PTCH1: variants seen among roughly 807,000 people sequenced by gnomAD.
The protein encoded by PTCH1 is protein patched homolog 1.
Under a neutral mutation model 144.6 loss-of-function variants are expected in PTCH1, and 14 were observed. That is an observed-to-expected ratio of 0.10 (90% CI 0.06 to 0.15). The LOEUF is 0.15. PTCH1 is among the 10% of genes least tolerant of loss of function. The probability of loss-of-function intolerance (pLI) is 1.00; values close to 1 mark genes in which losing one functional copy is unlikely to be tolerated. For synonymous variants in PTCH1, 833 were observed against 793.6 expected, an observed-to-expected ratio of 1.05 and a Z score of -0.83; for missense variants, 1,623 against 1,948.3, an observed-to-expected ratio of 0.83 and a Z score of 3.14.
chr9:95,454,303 C>A (rs1192283055), intron 19 of PTCH1, among the ~76,000 whole-genome samples: 1 of 152,134 alleles, frequency 6.6e-6, no homozygotes, highest in African/African-American at 2.4e-5. Flanking sequence ...GAACGTGTGA[C>A]CCCTGCAGGG....
chr9:95,501,539 TAAA>T (rs35918689), intron 2 of PTCH1, among the ~76,000 whole-genome samples: 4,251 of 145,444 alleles, frequency 0.029, 180 homozygotes, highest in African/African-American at 0.098. Flanking sequence ...CTATTTTTCT[TAAA>T]AAAAAAAAAA....
chr9:95,490,565 G>A (rs28557305), intron 2 of PTCH1, among the ~76,000 whole-genome samples: 64,405 of 150,040 alleles, frequency 0.43, 15,378 homozygotes, highest in African/African-American at 0.65. Context: ...ACAAAAGAAA[G>A]ATAGATATGA....
rs768887056 is a variant in PTCH1 at position 95,468,736 on chromosome 9, G to A, written c.2250+15C>T. 1.6e-5 allele frequency: 26 copies of A among 1,613,024 alleles called. No individual in the cohort carries two copies. Among genetic ancestry groups the A allele is most frequent in the Non-Finnish European group, 2.0e-5 (23 of 1,179,176 alleles). On this transcript the variant is annotated intron_variant, in intron 14 of 23. Coordinates refer to ENST00000331920, the MANE Select transcript of PTCH1 (RefSeq NM_000264.5). Reference sequence around the variant, plus strand: ...TTTTTGAAGACAGGAAGAGCCTTAAGTTGTGGCAGATTACCTTGGCTTTTG... The same window carrying A: ...TTTTTGAAGACAGGAAGAGCCTTAAATTGTGGCAGATTACCTTGGCTTTTG...
intron 1 of PTCH1, 185 bp from the exon 2 acceptor site, chr9:95,506,784 A>G: frequency 9.2e-7 from 1 of 1,089,098 alleles, no homozygotes; most frequent in Non-Finnish European, 1.2e-6. Context: ...GCTCGGTCAT[A>G]AAGCCGGGCC....
intron 2 of PTCH1, among the ~76,000 whole-genome samples, chr9:95,492,469 A>G (rs1443483210): frequency 2.6e-5 from 4 of 152,360 alleles, no homozygotes; most frequent in Non-Finnish European, 5.9e-5. Flanking sequence ...GCTTTCAGAC[A>G]GTTCAATATA....
chr9:95,473,266 A>G (rs1308032844), intron 12 of PTCH1, among the ~76,000 whole-genome samples: 2 of 152,202 alleles, frequency 1.3e-5, no homozygotes, highest in Non-Finnish European at 2.9e-5. Context: ...AAATTGGAGG[A>G]GTTTTATATG....
intron 3 of PTCH1, chr9:95,484,107 T>C (rs1841785630): frequency 6.6e-6 from 1 of 152,250 alleles, no homozygotes; most frequent in African/African-American, 2.4e-5. Flanking sequence ...TGTAATTTAA[T>C]GGCACAGACC....
chr9:95,481,061 A>G (rs1237304529), intron 5 of PTCH1, among the ~76,000 whole-genome samples: 1 of 152,206 alleles, frequency 6.6e-6, no homozygotes, highest in South Asian at 2.1e-4. Flanking sequence ...CTGGCAATGG[A>G]ATGGGCAAGC....
At chr9:95,505,285 TG>T (rs2118853689) in intron 2 of PTCH1, among the ~76,000 whole-genome samples, 1 of 152,270 alleles carries the variant, frequency 6.6e-6, no homozygotes, top group Admixed American at 6.5e-5. Context: ...TCCGGAGGAA[TG>T]CTCCAGGTAT....
chr9:95,457,763 G>T (rs1190271019), intron 18 of PTCH1, among the ~76,000 whole-genome samples: 1 of 152,130 alleles, frequency 6.6e-6, no homozygotes. Flanking sequence ...GTGATGGAAG[G>T]TGTGCTTTAA....
At chr9:95,502,741 G>A (rs891324899) in intron 2 of PTCH1, among the ~76,000 whole-genome samples, 73 of 151,748 alleles carry the variant, frequency 4.8e-4, no homozygotes, top group Non-Finnish European at 1.3e-4. Context: ...GCACACACAC[G>A]GACTCTTTCT....
upstream of PTCH1, among the ~76,000 whole-genome samples, chr9:95,509,655 A>G (rs1038126650): frequency 6.6e-6 from 1 of 151,994 alleles, no homozygotes; most frequent in Non-Finnish European, 1.5e-5. Context: ...ACACGGGGGG[A>G]AATGTAATAT....
At chr9:95,515,193 C>A (rs1208439512) in intron 1 of PTCH1, among the ~76,000 whole-genome samples, 3 of 152,190 alleles carry the variant, frequency 2.0e-5, no homozygotes, top group Non-Finnish European at 4.4e-5. Context: ...CGCCAATAAA[C>A]ACAGAAATAA....
rs189667531 is a variant in PTCH1, at chr9:95,446,392, C to T, written c.*2-1G>A. 4.2e-5 allele frequency: 22 copies of T among 518,746 alleles called. No homozygotes were observed. The highest frequency in any genetic ancestry group is 8.1e-5 in the Non-Finnish European group (21 of 259,894). 32.1% of individuals were successfully genotyped at this position (518,746 alleles called of 1,614,324 possible). On this transcript the variant is annotated splice_acceptor_variant, in intron 23 of 23. Transcript: ENST00000331920. LOFTEE classifies it low-confidence loss of function (3UTR_SPLICE). ...CTCTTTGCTTCAGATTTTAATCACC[C>T]TTTAAAAGGAAGCAAAAAAGGAAGT...
intron 15 of PTCH1, among the ~76,000 whole-genome samples, chr9:95,462,208 G>A (rs1455986833): frequency 6.6e-6 from 1 of 152,068 alleles, no homozygotes; most frequent in Non-Finnish European, 1.5e-5. Context: ...TCAAAAGGGG[G>A]GAAGGAGATT....
chr9:95,516,458 G>A lies in PTCH1; in HGVS notation c.3+11C>T, dbSNP rs748188243. 1.4e-4 allele frequency: 202 copies of A among 1,465,454 alleles called. No homozygotes were observed. Among genetic ancestry groups the A allele is most frequent in the Non-Finnish European group, 1.7e-4 (188 of 1,116,828 alleles). 90.8% of individuals were successfully genotyped at this position (1,465,454 alleles called of 1,614,324 possible). On this transcript the variant is annotated intron_variant, in intron 1 of 22. Coordinates refer to the PTCH1 transcript ENST00000430669. The stretch of plus-strand genomic sequence containing the variant: ...GGTGGCGTCGGCGGCCGCCGCGCTG[G>A]CTGCACTCACCATAGCCGGCCGTCA...
At chr9:95,490,553 ACAC>A in intron 2 of PTCH1, among the ~76,000 whole-genome samples, 1 of 151,134 alleles carries the variant, frequency 6.6e-6, no homozygotes. Flanking sequence ...ACACACACAC[ACAC>A]AAAAGAAAGA....
rs920337446 is a variant in PTCH1 at position 95,449,692 on chromosome 9, A to G, written c.3549+149T>C. ...GCCCTCTAGCCCTCAAAGCCAGTAC[A>G]CCGAAGAGGAAAACAGACATGACTC... On this transcript the variant is annotated intron_variant, in intron 21 of 23. Transcript: ENST00000331920. This position sits in a 1 kb window ranked among gnomAD's most constrained non-coding sequence, Gnocchi z 5.3. The G allele has an allele frequency of 4.7e-6, 4 of 848,254 alleles. No homozygotes were observed. The highest frequency in any genetic ancestry group is 5.8e-6 in the Non-Finnish European group (3 of 513,980). The allele number at this position is 848,254 out of a possible 1,614,324, so 52.5% of individuals were successfully genotyped here.
intron 23 of PTCH1, 101 bp downstream of exon 23, chr9:95,446,810 A>G: frequency 5.4e-6 from 8 of 1,493,728 alleles, no homozygotes; most frequent in Non-Finnish European, 7.4e-6. Context: ...GATGTGCCCG[A>G]GCGCCACAGC....
Sources: gnomAD v4.1 joint callset for allele counts (sites outside exome capture counted in the v4.1 genomes callset) on GRCh38, gnomAD v4.1.1 for gene constraint, Gnocchi (gnomAD v3.1) non-coding constraint, MANE v1.5 for transcripts, NCBI Gene and HGNC (gene_info 2026-07-23, HGNC 2026-07-21) for gene names.